The following KIF1B variants were observed in gnomAD, a reference collection of about 807,000 sequenced individuals.
The protein encoded by KIF1B is kinesin-like protein KIF1B.
In KIF1B, 76 loss-of-function variants were observed where a neutral mutation model predicts 241.9. The ratio of observed to expected loss-of-function variants is 0.31; its 90% confidence interval spans 0.26 to 0.38. The LOEUF (loss-of-function observed/expected upper bound fraction) is 0.38. Among genes scored for constraint, KIF1B ranks in the 10% least tolerant of loss-of-function variants. The probability of loss-of-function intolerance (pLI) is 1.00; values close to 1 mark genes in which losing one functional copy is unlikely to be tolerated. For missense variants in KIF1B, 1,622 were observed against 2,271.4 expected (o/e 0.71, Z 5.81); for synonymous variants, 750 against 796.7 (o/e 0.94, Z 0.99).
chr1:10,264,129 C>G (rs1054459398), intron 5 of KIF1B, among the ~76,000 whole-genome samples: 1 of 152,194 alleles, frequency 6.6e-6, no homozygotes, highest in African/African-American at 2.4e-5. Context: ...GCTCTCTTCC[C>G]CATTCTATTT....
At chr1:10,222,303 A>G (rs574451301) in intron 1 of KIF1B, among the ~76,000 whole-genome samples, 1 of 152,266 alleles carries the variant, frequency 6.6e-6, no homozygotes, top group Non-Finnish European at 1.5e-5. Flanking sequence ...ATCCATGTGT[A>G]TAGTGTAGGA....
chr1:10,257,629 C>T (rs985535884), intron 3 of KIF1B, among the ~76,000 whole-genome samples: 6 of 151,902 alleles, frequency 3.9e-5, no homozygotes, highest in Admixed American at 3.9e-4. Flanking sequence ...GAGTTTACTT[C>T]TGCATCATTC....
At chr1:10,288,943 A>G (rs1238873917) in intron 15 of KIF1B, among the ~76,000 whole-genome samples, 1 of 152,156 alleles carries the variant, frequency 6.6e-6, no homozygotes, top group Non-Finnish European at 1.5e-5. Flanking sequence ...TATTACTCAC[A>G]AGTCCTTTCT....
At chr1:10,278,821 A>G (rs1431613939) in intron 13 of KIF1B, 3 of 396,888 alleles carry the variant, frequency 7.6e-6, no homozygotes, top group African/African-American at 6.0e-5. Flanking sequence ...AATATGGTAG[A>G]ATATGGGTTA....
chr1:10,252,694 G>A (rs1647531010), intron 2 of KIF1B, among the ~76,000 whole-genome samples: 1 of 151,598 alleles, frequency 6.6e-6, no homozygotes, highest in Non-Finnish European at 1.5e-5. Context: ...TTATAAGTGT[G>A]AGTCACCGAG....
At chr1:10,269,929 C>T (rs1283275899) in intron 7 of KIF1B, among the ~76,000 whole-genome samples, 1 of 152,138 alleles carries the variant, frequency 6.6e-6, no homozygotes, top group African/African-American at 2.4e-5. Context: ...CAGCAAAGAA[C>T]ATTGTATGTG....
intron 16 of KIF1B, among the ~76,000 whole-genome samples, 196 bp downstream of exon 16, chr1:10,291,357 T>C (rs1210018318): frequency 6.6e-6 from 1 of 152,204 alleles, no homozygotes; most frequent in African/African-American, 2.4e-5. Context: ...ATTTAAATAT[T>C]ATCTAGGGAG....
At chr1:10,246,573 G>T (rs550121185) in intron 2 of KIF1B, among the ~76,000 whole-genome samples, 35 of 152,044 alleles carry the variant, frequency 2.3e-4, no homozygotes, top group Middle Eastern at 3.2e-3. Context: ...GTGAAACCCC[G>T]TCTCTACTAA....
intron 27 of KIF1B, among the ~76,000 whole-genome samples, chr1:10,332,309 G>A (rs1444559665): frequency 1.3e-5 from 2 of 151,612 alleles, no homozygotes; most frequent in Non-Finnish European, 2.9e-5. Context: ...CAGGTGACCC[G>A]CCTGCCTCGG....
chr1:10,306,083 T>C (rs892570883), intron 22 of KIF1B: 64 of 1,043,384 alleles, frequency 6.1e-5, no homozygotes, highest in Non-Finnish European at 7.4e-5. Context: ...CACATTATTT[T>C]TAATCATAGT....
At chr1:10,259,854 G>A (rs1648026160) in intron 4 of KIF1B, among the ~76,000 whole-genome samples, 1 of 151,660 alleles carries the variant, frequency 6.6e-6, no homozygotes, top group South Asian at 2.1e-4. Flanking sequence ...GGCTGGTCTC[G>A]AATGGACCTG....
At chr1:10,329,049 T>G (rs1237338012) in intron 27 of KIF1B, among the ~76,000 whole-genome samples, 2 of 152,232 alleles carry the variant, frequency 1.3e-5, no homozygotes, top group African/African-American at 4.8e-5. Context: ...CTCTCTAGTT[T>G]TATAGTTTTC....
chr1:10,222,759 G>A (rs761723733), intron 1 of KIF1B, among the ~76,000 whole-genome samples: 2 of 152,176 alleles, frequency 1.3e-5, no homozygotes, highest in African/African-American at 2.4e-5. Flanking sequence ...TGGAATTTTT[G>A]CTCCATTCCA....
intron 1 of KIF1B, among the ~76,000 whole-genome samples, chr1:10,231,378 CTTTTT>C (rs35213507): frequency 2.3e-5 from 2 of 85,718 alleles, no homozygotes; most frequent in South Asian, 4.5e-4. Flanking sequence ...GTTCAGTGCC[CTTTTT>C]TTTTTTTTTT....
Position 10,258,523 on chromosome 1 carries a change from C to G in KIF1B, c.214C>G (p.Arg72Gly). The G allele has an allele frequency of 6.2e-7, 1 of 1,613,950 alleles. No homozygotes were observed. Among genetic ancestry groups the G allele is most frequent in the Non-Finnish European group, 8.5e-7 (1 of 1,179,974 alleles). Reference sequence around the variant, plus strand: ...AGATCCCTGTTTTGCATCTCAAAACCGTGTGTACAATGACATTGGCAAGGA... The same window carrying G: ...AGATCCCTGTTTTGCATCTCAAAACGGTGTGTACAATGACATTGGCAAGGA... ...PEDPCFASQNRVYNDIGKEML... is the reference protein window; with the variant it reads ...PEDPCFASQNGVYNDIGKEML... Residue 72 changes from arginine to glycine, a missense_variant, in exon 4 of 49, where the codon CGT (arginine) becomes GGT (glycine). Arg to Gly is a moderately radical substitution (Grantham distance 125, BLOSUM62 -2). Transcript: ENST00000676179.
intron 27 of KIF1B, among the ~76,000 whole-genome samples, chr1:10,327,269 G>A (rs894385216): frequency 2.6e-5 from 4 of 152,226 alleles, no homozygotes; most frequent in Non-Finnish European, 5.9e-5. Context: ...GGAGGCCAAG[G>A]CGGCCGGGTC....
chr1:10,372,520 A>C (rs916354822), intron 45 of KIF1B, among the ~76,000 whole-genome samples: 9 of 151,346 alleles, frequency 5.9e-5, no homozygotes, highest in Non-Finnish European at 1.0e-4. Flanking sequence ...TGGGTGACAG[A>C]GCAAGAAATC....
intron 4 of KIF1B, among the ~76,000 whole-genome samples, chr1:10,259,174 A>C (rs1647969168): frequency 1.3e-5 from 2 of 148,320 alleles, no homozygotes; most frequent in African/African-American, 5.0e-5. Flanking sequence ...TTTTTAGAAC[A>C]GTTAGTATTA....
chr1:10,312,503 T>C (rs553680447), intron 22 of KIF1B, among the ~76,000 whole-genome samples: 11 of 151,582 alleles, frequency 7.3e-5, no homozygotes, highest in African/African-American at 1.5e-4. Context: ...TCCCCAGACC[T>C]TACCATGGTC....
Sources: gnomAD v4.1 joint callset for allele counts (sites outside exome capture counted in the v4.1 genomes callset) on GRCh38, gnomAD v4.1.1 for gene constraint, MANE v1.5 for transcripts, NCBI Gene and HGNC (gene_info 2026-07-23, HGNC 2026-07-21) for gene names.